NRG3: variants seen among roughly 807,000 people sequenced by gnomAD.
The protein encoded by NRG3 is pro-neuregulin-3, membrane-bound isoform.
A neutral mutation model predicts 66.9 loss-of-function variants in NRG3; 31 were observed. The observed-to-expected ratio is 0.46, with a 90% CI of 0.35 to 0.63. The LOEUF is 0.63. NRG3 is among the 20% of genes least tolerant of loss of function. The pLI, the probability that NRG3 is intolerant of heterozygous loss-of-function variation, is 0.00. For missense variants in NRG3, 910 were observed against 878.9 expected (o/e 1.04, Z -0.45); for synonymous variants, 393 against 359.4 (o/e 1.09, Z -1.06).
At chr10:82,959,534 G>A (rs1041880074) in intron 6 of NRG3, among the ~76,000 whole-genome samples, 2 of 152,264 alleles carry the variant, frequency 1.3e-5, no homozygotes, top group South Asian at 2.1e-4. Flanking sequence ...GAGGTGGATG[G>A]GGGTAGACTT....
chr10:82,406,825 T>A (rs1694421392), intron 2 of NRG3, among the ~76,000 whole-genome samples: 1 of 152,120 alleles, frequency 6.6e-6, no homozygotes. Context: ...GGTACCGTTT[T>A]CCTCTATCCA....
At chr10:82,170,257 A>G (rs2072462116) in intron 1 of NRG3, among the ~76,000 whole-genome samples, 1 of 152,038 alleles carries the variant, frequency 6.6e-6, no homozygotes, top group African/African-American at 2.4e-5. Context: ...GAAAAATGGC[A>G]TGGGTGAGAA....
At chr10:82,579,839 T>G (rs1230517518) in intron 2 of NRG3, among the ~76,000 whole-genome samples, 2 of 151,890 alleles carry the variant, frequency 1.3e-5, no homozygotes, top group African/African-American at 2.4e-5. Context: ...TGGGAAAAAA[T>G]CTTATTTATC....
intron 1 of NRG3, among the ~76,000 whole-genome samples, chr10:81,877,501 A>G (rs900519181): frequency 6.6e-6 from 1 of 152,204 alleles, no homozygotes; most frequent in African/African-American, 2.4e-5. Flanking sequence ...GTTTGCTTTC[A>G]GTCATCTGCT....
At chr10:82,115,375 C>T (rs760426823) in intron 1 of NRG3, among the ~76,000 whole-genome samples, 3 of 152,146 alleles carry the variant, frequency 2.0e-5, no homozygotes, top group Admixed American at 6.5e-5. Context: ...ATGTAGTCAA[C>T]TATAGACACC....
At chr10:82,267,399 C>T (rs1463019447) in intron 1 of NRG3, among the ~76,000 whole-genome samples, 1 of 152,212 alleles carries the variant, frequency 6.6e-6, no homozygotes, top group African/African-American at 2.4e-5. Flanking sequence ...ACAGTTCACA[C>T]ATGGATGTGT....
chr10:82,850,245 G>T (rs921901987), intron 3 of NRG3, among the ~76,000 whole-genome samples: 1 of 152,208 alleles, frequency 6.6e-6, no homozygotes, highest in African/African-American at 2.4e-5. Flanking sequence ...GTGCAGAAGA[G>T]AATTTGGCTT....
chr10:82,405,674 G>A (rs1167457089), intron 2 of NRG3, among the ~76,000 whole-genome samples: 1 of 152,016 alleles, frequency 6.6e-6, no homozygotes, highest in Non-Finnish European at 1.5e-5. Flanking sequence ...TGCCATGTCG[G>A]CCAGACTGGT....
intron 1 of NRG3, among the ~76,000 whole-genome samples, chr10:82,242,707 G>T (rs1030405983): frequency 9.9e-5 from 15 of 152,006 alleles, no homozygotes; most frequent in African/African-American, 3.4e-4. Context: ...GGAGAGAGAG[G>T]GTGGGGGTGT....
intron 2 of NRG3, among the ~76,000 whole-genome samples, chr10:82,402,378 G>A (rs1238401305): frequency 6.6e-6 from 1 of 152,112 alleles, no homozygotes; most frequent in Non-Finnish European, 1.5e-5. Flanking sequence ...TTAGTAATCA[G>A]AAGGTTGAGT....
At chr10:82,510,343 G>A (rs1307875557) in intron 2 of NRG3, among the ~76,000 whole-genome samples, 3 of 152,126 alleles carry the variant, frequency 2.0e-5, no homozygotes, top group Admixed American at 6.5e-5. Flanking sequence ...CCACAAGTGT[G>A]ATGCTGACAG....
intron 1 of NRG3, among the ~76,000 whole-genome samples, chr10:82,319,511 GC>G (rs2081455570): frequency 1.3e-5 from 2 of 152,178 alleles, no homozygotes; most frequent in Non-Finnish European, 2.9e-5. Flanking sequence ...GCATGGTGTT[GC>G]TTTTCTTCTA....
chr10:81,962,404 GTTA>G (rs1255869460), intron 1 of NRG3, among the ~76,000 whole-genome samples: 1 of 152,120 alleles, frequency 6.6e-6, no homozygotes, highest in Non-Finnish European at 1.5e-5. Flanking sequence ...CTTTAGATAT[GTTA>G]TTATGTATGA....
intron 1 of NRG3, among the ~76,000 whole-genome samples, chr10:82,074,158 A>G (rs545478738): frequency 6.6e-6 from 1 of 151,888 alleles, no homozygotes; most frequent in South Asian, 2.1e-4. Context: ...CCAATGTGAA[A>G]AGATTTGACA....
chr10:82,205,732 A>G (rs777691727), intron 1 of NRG3, among the ~76,000 whole-genome samples: 1 of 152,108 alleles, frequency 6.6e-6, no homozygotes, highest in Admixed American at 6.5e-5. Flanking sequence ...GAGGGCATGC[A>G]TTTCTTTCAT....
At chr10:81,895,811 C>G (rs923254544) in intron 1 of NRG3, among the ~76,000 whole-genome samples, 6 of 152,104 alleles carry the variant, frequency 3.9e-5, no homozygotes, top group African/African-American at 1.4e-4. Flanking sequence ...AATGGCTGTT[C>G]CTTAGATTAG....
intron 6 of NRG3, among the ~76,000 whole-genome samples, chr10:82,969,075 C>G (rs1406560612): frequency 6.6e-6 from 1 of 152,110 alleles, no homozygotes; most frequent in Non-Finnish European, 1.5e-5. Context: ...TCCCACAACA[C>G]GTGGGAGTTA....
At chr10:82,885,655 C>T (rs567779039) in intron 4 of NRG3, among the ~76,000 whole-genome samples, 1 of 152,270 alleles carries the variant, frequency 6.6e-6, no homozygotes, top group South Asian at 2.1e-4. Flanking sequence ...AATGTAATCA[C>T]TGTGGCTTTC....
chr10:82,555,690 C>G (rs772989990), intron 2 of NRG3, among the ~76,000 whole-genome samples: 2 of 152,136 alleles, frequency 1.3e-5, no homozygotes, highest in Non-Finnish European at 2.9e-5. Context: ...CCAGTGCGTT[C>G]ATAGTTTGAT....
Sources: allele counts gnomAD v4.1 joint callset (sites outside exome capture counted in the v4.1 genomes callset), GRCh38; gene constraint gnomAD v4.1.1; transcripts MANE v1.5; gene names NCBI Gene and HGNC (gene_info 2026-07-23, HGNC 2026-07-21).